Variants in MGAT4C observed in about 807,000 individuals in gnomAD.
MGAT4C encodes the protein MGAT4 family member C.
In MGAT4C, 19 loss-of-function variants were observed where a neutral mutation model predicts 40.1. That is an observed-to-expected ratio of 0.47 (90% CI 0.33 to 0.70). MGAT4C has a LOEUF of 0.70. Ranked by LOEUF, MGAT4C falls within the 30% of genes least tolerant of loss-of-function variation. MGAT4C has a pLI of 0.02. For missense variants in MGAT4C, 491 were observed against 563.2 expected, an observed-to-expected ratio of 0.87 and a Z score of 1.30; for synonymous variants, 181 against 187.1, an observed-to-expected ratio of 0.97 and a Z score of 0.27.
chr12:86,461,288 G>T (rs1957596925), intron 2 of MGAT4C, among the ~76,000 whole-genome samples: 1 of 148,488 alleles, frequency 6.7e-6, no homozygotes, highest in Admixed American at 6.7e-5. Context: ...GCCCAGGTCG[G>T]ACTGCGGACT....
At chr12:86,347,291 A>G (rs1245570525) in intron 3 of MGAT4C, among the ~76,000 whole-genome samples, 3 of 152,324 alleles carry the variant, frequency 2.0e-5, no homozygotes, top group African/African-American at 7.2e-5. Context: ...TAAAATATGT[A>G]GTATTTCATC....
rs1288251887 is a variant in MGAT4C, at chr12:86,180,986, A to AT, written c.-57+75252dup. On this transcript the variant is annotated intron_variant, in intron 1 of 4. Coordinates refer to ENST00000611864, the MANE Select transcript of MGAT4C (RefSeq NM_001351288.2). ...TGTCCCCACCCAAGTCTCAACTTGA[A>AT]TTTTTTCTCTCAGAATTCCCACGTG... Among the ~76,000 whole-genome samples, 23 of 152,138 alleles carry AT rather than the reference A, an allele frequency of 1.5e-4. No individual in the cohort carries two copies. In the East Asian group the frequency reaches 4.5e-3, roughly 29 times the overall value.
chr12:86,549,177 T>C (rs1959233062), intron 2 of MGAT4C, among the ~76,000 whole-genome samples: 1 of 152,196 alleles, frequency 6.6e-6, no homozygotes, highest in South Asian at 2.1e-4. Flanking sequence ...GTATCCAAGA[T>C]ATATGCCAAA....
At chr12:86,418,608 A>ATAAG (rs1478812383) in intron 3 of MGAT4C, among the ~76,000 whole-genome samples, 8 of 151,536 alleles carry the variant, frequency 5.3e-5, no homozygotes, top group Non-Finnish European at 8.8e-5. Flanking sequence ...AAATAAATAA[A>ATAAG]TAAATAAATA....
chr12:86,338,226 C>G (rs1954830808), intron 3 of MGAT4C, among the ~76,000 whole-genome samples: 1 of 152,076 alleles, frequency 6.6e-6, no homozygotes, highest in Non-Finnish European at 1.5e-5. Flanking sequence ...GCTGATTGGT[C>G]AGGGATGAAG....
Position 86,180,678 on chromosome 12 carries a change from T to C in MGAT4C, c.-57+75561A>G, listed in dbSNP as rs575571183. ...CTGGATTTCAGACTAGCATGGGCCC[T>C]CTTACCCCTTTGCTTTGGCCAATTT... On this transcript the variant is annotated intron_variant, in intron 1 of 4. Transcript: ENST00000611864. Among the ~76,000 whole-genome samples the C allele has an allele frequency of 2.0e-5, 3 of 152,322 alleles. No individual in the cohort carries two copies. In the East Asian group the frequency reaches 5.8e-4, roughly 29 times the overall value.
intron 1 of MGAT4C, among the ~76,000 whole-genome samples, chr12:86,836,759 G>T (rs1206637310): frequency 6.6e-6 from 1 of 152,042 alleles, no homozygotes; most frequent in Non-Finnish European, 1.5e-5. Flanking sequence ...GCAAATTAAA[G>T]AATATATTGC....
intron 1 of MGAT4C, among the ~76,000 whole-genome samples, chr12:86,796,585 A>G (rs1486311473): frequency 6.6e-6 from 1 of 152,094 alleles, no homozygotes; most frequent in East Asian, 1.9e-4. Flanking sequence ...TCAGTTACAT[A>G]GAAGGAAGAA....
chr12:86,200,123 A>ATTTTT (rs1382781953), intron 1 of MGAT4C, among the ~76,000 whole-genome samples: 1 of 31,692 alleles, frequency 3.2e-5, no homozygotes, highest in African/African-American at 1.7e-4. Flanking sequence ...AATAGTATGT[A>ATTTTT]TTTGTTTTTT....
At chr12:86,345,172 C>T (rs926143425) in intron 3 of MGAT4C, among the ~76,000 whole-genome samples, 1 of 152,062 alleles carries the variant, frequency 6.6e-6, no homozygotes, top group Non-Finnish European at 1.5e-5. Flanking sequence ...AAAGCTGTGA[C>T]TGACCTTAAG....
chr12:86,149,634 C>CAG (rs1433617023), intron 1 of MGAT4C, among the ~76,000 whole-genome samples: 1 of 152,126 alleles, frequency 6.6e-6, no homozygotes, highest in Non-Finnish European at 1.5e-5. Context: ...CACTAAAAAT[C>CAG]TTAACTGACA....
intron 2 of MGAT4C, among the ~76,000 whole-genome samples, chr12:86,669,337 C>T (rs1964194497): frequency 6.6e-6 from 1 of 152,034 alleles, no homozygotes; most frequent in Admixed American, 6.6e-5. Context: ...CCCTCTCTGT[C>T]ATAAGCCCAG....
intron 3 of MGAT4C, among the ~76,000 whole-genome samples, chr12:86,360,605 A>G (rs1395355374): frequency 6.6e-6 from 1 of 152,192 alleles, no homozygotes; most frequent in African/African-American, 2.4e-5. Flanking sequence ...TCAGACCCAA[A>G]TCTCCTTAAG....
At chr12:86,788,066 T>G (rs1393233901) in intron 1 of MGAT4C, among the ~76,000 whole-genome samples, 1 of 151,824 alleles carries the variant, frequency 6.6e-6, no homozygotes, top group Non-Finnish European at 1.5e-5. Flanking sequence ...GTTCTCTTCT[T>G]TTCAGTTTTC....
intron 1 of MGAT4C, among the ~76,000 whole-genome samples, chr12:86,162,297 T>C (rs750554471): frequency 3.3e-5 from 5 of 152,142 alleles, no homozygotes; most frequent in African/African-American, 9.7e-5. Flanking sequence ...GTGTACACCA[T>C]GGAACACTAT....
chr12:86,429,111 C>T (rs1207704640), intron 3 of MGAT4C, among the ~76,000 whole-genome samples: 1 of 151,912 alleles, frequency 6.6e-6, no homozygotes, highest in Non-Finnish European at 1.5e-5. Context: ...AAGAACTTTG[C>T]TATTAGAACC....
chr12:86,070,065 C>T (rs1894931377), intron 1 of MGAT4C, among the ~76,000 whole-genome samples: 1 of 151,682 alleles, frequency 6.6e-6, no homozygotes, highest in Non-Finnish European at 1.5e-5. Context: ...ATTATGAGGT[C>T]CCGATGTAGG....
At chr12:86,086,297 C>T (rs1290044840) in intron 1 of MGAT4C, among the ~76,000 whole-genome samples, 1 of 151,982 alleles carries the variant, frequency 6.6e-6, no homozygotes, top group Non-Finnish European at 1.5e-5. Flanking sequence ...GAACAGAAAA[C>T]CAAACACTGC....
intron 1 of MGAT4C, among the ~76,000 whole-genome samples, chr12:86,245,268 G>A (rs1024812880): frequency 2.0e-5 from 3 of 152,128 alleles, no homozygotes; most frequent in African/African-American, 7.2e-5. Context: ...AAACAGAGAG[G>A]AGCAATTAGG....
Sources: gnomAD v4.1 joint callset for allele counts (sites outside exome capture counted in the v4.1 genomes callset) on GRCh38, gnomAD v4.1.1 for gene constraint, MANE v1.5 for transcripts, NCBI Gene and HGNC (gene_info 2026-07-23, HGNC 2026-07-21) for gene names.